The following CCDC40 variants were observed in gnomAD, a reference collection of about 807,000 sequenced individuals.
CCDC40 encodes coiled-coil domain-containing protein 40.
A neutral mutation model predicts 124.5 loss-of-function variants in CCDC40; 104 were observed. The ratio of observed to expected loss-of-function variants is 0.84; its 90% CI spans 0.71 to 0.98. The LOEUF (loss-of-function observed/expected upper bound fraction) is 0.98. Ranked by LOEUF, CCDC40 falls within the 50% of genes least tolerant of loss-of-function variation. The pLI is 0.00. For synonymous variants in CCDC40, 580 were observed against 602.9 expected (o/e 0.96, Z 0.56); for missense variants, 1,463 against 1,503.9 (o/e 0.97, Z 0.45).
chr17:80,098,099 T>C (rs2038844541), intron 19 of CCDC40, among the ~76,000 whole-genome samples: 1 of 151,708 alleles, frequency 6.6e-6, no homozygotes, highest in Non-Finnish European at 1.5e-5. Flanking sequence ...GACATTGGAG[T>C]CCAGACCTGA....
In CCDC40 at chr17:80,066,339, G is replaced by A; in HGVS notation, c.1562+733G>A. 3.4e-6 allele frequency: 2 copies of A among 585,850 alleles called. No homozygotes were observed. The allele number at this position is 585,850 out of a possible 1,614,324, so 36.3% of individuals were successfully genotyped here. A position where few individuals can be genotyped will look rare whatever the true frequency, so the allele number is the denominator to read the frequency against. On this transcript the variant is annotated intron_variant, in intron 10 of 19. Transcript: ENST00000397545. The surrounding 1 kb of genome is among the most constrained non-coding windows in gnomAD (Gnocchi z 4.4). ...AGCACCCGCAGCCAGGCAGCCAGCA[G>A]CAGTCACACAACCAGGAGATGCTTT...
chr17:80,073,673 G>A (rs1162889171), intron 10 of CCDC40, among the ~76,000 whole-genome samples: 1 of 148,678 alleles, frequency 6.7e-6, no homozygotes, highest in Non-Finnish European at 1.5e-5. Flanking sequence ...CAAGTGAAAG[G>A]AAGAGTCTCA....
chr17:80,095,279 T>C lies in CCDC40; in HGVS notation c.2849T>C (p.Leu950Pro). 5 of 1,613,904 alleles carry C rather than the reference T, an allele frequency of 3.1e-6. No individual in the cohort carries two copies. Among genetic ancestry groups the C allele is most frequent in the Middle Eastern group, 1.6e-4 (1 of 6,062 alleles). ...GTCTCCCAGGTCAGGCTCGGGCAGC[T>C]GCTGAAGCAGCAGGAGAAGATGATC... is the stretch of plus-strand genomic sequence containing the variant. ...IHRMKVRLGQ[L>P]LKQQEKMIRA... is the part of the protein sequence containing the mutation. The change falls in exon 18 of 20, where the codon CTG becomes CCG. Residue 950 changes from leucine (L) to proline (P), a missense_variant. Transcript: ENST00000397545.
At chr17:80,077,160 G>C (rs922688679) in intron 10 of CCDC40, among the ~76,000 whole-genome samples, 6 of 152,186 alleles carry the variant, frequency 3.9e-5, no homozygotes, top group African/African-American at 1.4e-4. Context: ...TGTGATACTT[G>C]CTTAATTGCG....
Position 80,067,145 on chromosome 17 carries a change from C to T in CCDC40, c.1562+1539C>T, listed in dbSNP as rs778534943. ...GGCTCATGGCCTGTGAACCCTGCAGCGTCCCCAAGGGAAGACGTCACCTCC... is the reference window on the plus strand; with the variant it reads ...GGCTCATGGCCTGTGAACCCTGCAGTGTCCCCAAGGGAAGACGTCACCTCC... On this transcript the variant is annotated intron_variant, in intron 10 of 19. Coordinates refer to ENST00000397545, the MANE Select transcript of CCDC40 (RefSeq NM_017950.4). The T allele has an allele frequency of 5.4e-4, 111 of 204,962 alleles. 2 individuals carry two copies. Among genetic ancestry groups the T allele is most frequent in the Admixed American group, 2.7e-3 (50 of 18,416 alleles). 12.7% of individuals were successfully genotyped at this position (204,962 alleles called of 1,614,324 possible). A position where few individuals can be genotyped will look rare whatever the true frequency, so the allele number is the denominator to read the frequency against.
At chr17:80,091,799 C>T (rs1253996642) in intron 17 of CCDC40, among the ~76,000 whole-genome samples, 2 of 152,042 alleles carry the variant, frequency 1.3e-5, no homozygotes, top group African/African-American at 4.8e-5. Flanking sequence ...GACTATGTTC[C>T]CAAAGGTGAG....
At chr17:80,036,861 C>A in intron 1 of CCDC40, 170 bp downstream of exon 1, 1 of 552,532 alleles carries the variant, frequency 1.8e-6, no homozygotes, top group Non-Finnish European at 3.0e-6. Context: ...CCGTCCACTG[C>A]GTTCAGCCCC....
intron 10 of CCDC40, among the ~76,000 whole-genome samples, chr17:80,078,282 G>T (rs962823498): frequency 7.2e-6 from 1 of 139,700 alleles, no homozygotes; most frequent in Non-Finnish European, 1.5e-5. Flanking sequence ...AGGGAGCCAA[G>T]ATCACGCCAC....
intron 18 of CCDC40, among the ~76,000 whole-genome samples, chr17:80,096,087 C>T (rs554122030): frequency 6.6e-6 from 1 of 152,344 alleles, no homozygotes; most frequent in South Asian, 2.1e-4. Context: ...CGCTGTGTGA[C>T]CTCGGAGTAT....
chr17:80,038,458 GAGAC>G (rs1343657737), intron 2 of CCDC40, among the ~76,000 whole-genome samples: 1 of 152,026 alleles, frequency 6.6e-6, no homozygotes, highest in Non-Finnish European at 1.5e-5. Context: ...TTGAACTCGG[GAGAC>G]AGAGGTTGCA....
chr17:80,095,182 C>G, intron 17 of CCDC40, 81 bp from the exon 18 acceptor site: 9 of 1,334,774 alleles, frequency 6.7e-6, no homozygotes, highest in Non-Finnish European at 7.5e-6. Context: ...GGAGGATGAG[C>G]GAGGCCAGCG....
chr17:80,065,483 A>C lies in CCDC40; in HGVS notation c.1441-2A>C. On this transcript the variant is annotated splice_acceptor_variant, in intron 9 of 19. Coordinates refer to ENST00000397545, the MANE Select transcript of CCDC40 (RefSeq NM_017950.4). LOFTEE classifies it high-confidence loss of function. ...TCCTGCCCCCTCCCCTGTTGGCTGC[A>C]GGCCTGCACCGAGATCGACGCCATC... The C allele has an allele frequency of 6.2e-7, 1 of 1,611,786 alleles. No homozygotes were observed.
At chr17:80,067,436 C>T in intron 10 of CCDC40, 1 of 692,740 alleles carries the variant, frequency 1.4e-6, no homozygotes, top group Non-Finnish European at 2.6e-6. Flanking sequence ...AGTCTTCCTT[C>T]CCTCTCTTGC....
At chr17:80,088,711 G>A (rs1350022287) in intron 16 of CCDC40, among the ~76,000 whole-genome samples, 1 of 152,242 alleles carries the variant, frequency 6.6e-6, no homozygotes, top group Non-Finnish European at 1.5e-5. Context: ...GGAGGCTGAG[G>A]TGGGAGGATC....
intron 1 of CCDC40, among the ~76,000 whole-genome samples, chr17:80,037,380 G>C (rs2037107877): frequency 6.6e-6 from 1 of 152,154 alleles, no homozygotes; most frequent in Non-Finnish European, 1.5e-5. Flanking sequence ...TTTTACCTTA[G>C]ACACATCGGT....
At position 80,081,760 on chromosome 17, in the gene CCDC40, A is replaced by G. The variant is rs2038455597; in HGVS notation, c.1777A>G (p.Thr593Ala). The G allele has an allele frequency of 6.2e-7, 1 of 1,614,054 alleles. No homozygotes were observed. The highest frequency in any genetic ancestry group is 8.5e-7 in the Non-Finnish European group (1 of 1,180,022). The change falls in exon 11 of 20, where the codon ACA (threonine) becomes GCA (alanine). Residue 593 changes from threonine to alanine, a missense_variant. Coordinates refer to ENST00000397545, the MANE Select transcript of CCDC40 (RefSeq NM_017950.4). The part of the protein sequence containing the change: ...FNTYRLTLQD[T>A]EDALSQDQLE... Reference sequence around the variant, plus strand: ...TACCTACAGGCTCACCCTGCAGGACACAGAGGATGCCCTCAGCCAGGACCA... The same window carrying G: ...TACCTACAGGCTCACCCTGCAGGACGCAGAGGATGCCCTCAGCCAGGACCA...
At chr17:80,069,187 A>T (rs948120050) in intron 10 of CCDC40, among the ~76,000 whole-genome samples, 4 of 151,818 alleles carry the variant, frequency 2.6e-5, no homozygotes, top group African/African-American at 7.3e-5. Context: ...TCTTCGTCTG[A>T]TGTCGAGTCT....
intron 3 of CCDC40, among the ~76,000 whole-genome samples, chr17:80,044,669 C>T (rs1186886191): frequency 1.4e-5 from 2 of 144,254 alleles, no homozygotes; most frequent in Non-Finnish European, 3.0e-5. Context: ...GGAGACAGAG[C>T]GAGACCCCAT....
intron 1 of CCDC40, 95 bp downstream of exon 1, chr17:80,036,786 C>A: frequency 8.4e-7 from 1 of 1,183,778 alleles, no homozygotes; most frequent in South Asian, 1.6e-5. Flanking sequence ...CCTGCCTCGC[C>A]CCTTCGCCTC....
Sources: gnomAD v4.1 joint callset for allele counts (sites outside exome capture counted in the v4.1 genomes callset) on GRCh38, gnomAD v4.1.1 for gene constraint, Gnocchi (gnomAD v3.1) non-coding constraint, MANE v1.5 for transcripts, NCBI Gene and HGNC (gene_info 2026-07-23, HGNC 2026-07-21) for gene names.